Variants in CDC42BPB observed in about 807,000 individuals in gnomAD.
The protein encoded by CDC42BPB is serine/threonine-protein kinase MRCK beta.
In CDC42BPB, 37 loss-of-function variants were observed where a neutral mutation model predicts 214.9. The ratio of observed to expected loss-of-function variants is 0.17; its 90% confidence interval spans 0.13 to 0.23. The LOEUF is 0.23. CDC42BPB is among the 10% of genes least tolerant of loss of function. CDC42BPB has a pLI of 1.00. For synonymous variants in CDC42BPB, 931 were observed against 884.0 expected (o/e 1.05, Z -0.94); for missense variants, 1,694 against 2,227.0 (o/e 0.76, Z 4.82).
intron 5 of CDC42BPB, among the ~76,000 whole-genome samples, chr14:102,993,753 T>C (rs899676241): frequency 6.6e-6 from 1 of 152,180 alleles, no homozygotes; most frequent in East Asian, 1.9e-4. Context: ...CAAGGAAGAC[T>C]TGAAGCAATG....
chr14:102,976,394 A>G (rs957857130), intron 9 of CDC42BPB, among the ~76,000 whole-genome samples: 1 of 152,254 alleles, frequency 6.6e-6, no homozygotes, highest in Non-Finnish European at 1.5e-5. Flanking sequence ...TCTGCAGGTC[A>G]GCGGTACGCA....
chr14:102,950,445 G>T, intron 25 of CDC42BPB, 21 bp downstream of exon 25: 1 of 1,611,978 alleles, frequency 6.2e-7, no homozygotes, highest in Non-Finnish European at 8.5e-7. Flanking sequence ...GAGGGCTGAG[G>T]GCGGAGATGA....
At chr14:102,983,937 C>T (rs960643108) in intron 6 of CDC42BPB, 181 bp from the exon 7 acceptor site, 9 of 978,160 alleles carry the variant, frequency 9.2e-6, no homozygotes, top group Non-Finnish European at 1.1e-5. Context: ...AGCCTGTAGC[C>T]TCAGCTACTT....
At chr14:102,977,726 TC>T (rs1392293784) in intron 9 of CDC42BPB, among the ~76,000 whole-genome samples, 1 of 152,172 alleles carries the variant, frequency 6.6e-6, no homozygotes, top group Non-Finnish European at 1.5e-5. Context: ...GGCCTATTGG[TC>T]AGGGGTTGGC....
rs145367892 is a variant in CDC42BPB, at chr14:102,964,426, G to A, written c.2726+76C>T. ...GATTTTCCAGGCGAGGAGCATCGGA[G>A]CCCGTGAGGCTCAGGGCGGGCTCGA... On this transcript the variant is annotated intron_variant, in intron 19 of 36. Coordinates refer to ENST00000361246, the MANE Select transcript of CDC42BPB (RefSeq NM_006035.4). 3.2e-4 allele frequency: 488 copies of A among 1,539,650 alleles called. 3 individuals are homozygous for A. In the African/African-American group the frequency reaches 5.7e-3, roughly 18 times the overall value.
At chr14:102,950,745 C>T in intron 24 of CDC42BPB, 143 bp from the exon 25 acceptor site, 2 of 1,307,824 alleles carry the variant, frequency 1.5e-6, no homozygotes, top group Admixed American at 3.6e-5. Context: ...GTGGGCAGAC[C>T]ACTTGAGGTC....
intron 1 of CDC42BPB, among the ~76,000 whole-genome samples, chr14:103,053,518 T>G (rs1442980407): frequency 6.6e-6 from 1 of 151,702 alleles, no homozygotes; most frequent in Non-Finnish European, 1.5e-5. Flanking sequence ...TCCAAGAACT[T>G]TGGGAGGCCA....
intron 36 of CDC42BPB, chr14:102,936,977 C>G (rs1023415267): frequency 1.3e-5 from 2 of 152,120 alleles, no homozygotes; most frequent in African/African-American, 4.8e-5. Flanking sequence ...GTTGGGAGAC[C>G]AGCCTGGGCA....
At chr14:103,048,532 CAAAAAAAAAAAAAA>C (rs71119751) in intron 1 of CDC42BPB, among the ~76,000 whole-genome samples, 1,084 of 42,688 alleles carry the variant, frequency 0.025, 32 homozygotes, top group African/African-American at 0.092. Context: ...ACTAAAAATA[CAAAAAAAAAAAAAA>C]AAAAAAAAAA....
intron 26 of CDC42BPB, 108 bp downstream of exon 26, chr14:102,949,657 G>A (rs528679082): frequency 1.4e-5 from 19 of 1,396,284 alleles, no homozygotes; most frequent in Non-Finnish European, 1.8e-5. Context: ...TAATGAAGCA[G>A]GTGAAGTACT....
chr14:103,020,286 G>A (rs34667190), intron 1 of CDC42BPB, among the ~76,000 whole-genome samples: 2,076 of 152,304 alleles, frequency 0.014, 46 homozygotes, highest in African/African-American at 0.047. Flanking sequence ...ACATGCAGAG[G>A]ACACAAGGGA....
In CDC42BPB at chr14:102,959,894, T is replaced by A. The variant is rs117896117; in HGVS notation, c.2822-184A>T. 3.0e-4 allele frequency: 258 copies of A among 858,436 alleles called. 2 individuals carry two copies. The East Asian group carries it at 0.015, about 51-fold the overall frequency. 53.2% of individuals were successfully genotyped at this position (858,436 alleles called of 1,614,324 possible). A position where few individuals can be genotyped will look rare whatever the true frequency, so the allele number is the denominator to read the frequency against. On this transcript the variant is annotated intron_variant, in intron 20 of 36. Transcript: ENST00000361246. Reference sequence around the variant, plus strand: ...GCTTTTCCCCAGAGAGTAACAAGAATCAAAAAGTTCACTTGAAAAAGTAAC... The same window carrying A: ...GCTTTTCCCCAGAGAGTAACAAGAAACAAAAAGTTCACTTGAAAAAGTAAC...
chr14:103,045,004 A>AGCCTGGCCAATATAGGGAGACTCT (rs1222557949), intron 1 of CDC42BPB, among the ~76,000 whole-genome samples: 26 of 150,918 alleles, frequency 1.7e-4, no homozygotes, highest in Admixed American at 9.9e-4. Flanking sequence ...GTTCAAGACC[A>AGCCTGGCCAATATAGGGAGACTCT]GCCTGGCCAA....
rs749560849 is a variant in CDC42BPB at position 102,966,299 on chromosome 14, G to C, written c.2560C>G (p.Leu854Val). The change falls in exon 18 of 37, where the codon CTG (leucine) becomes GTG (valine). Residue 854 changes from leucine (L) to valine (V), a missense_variant. Leu to Val is a conservative substitution (Grantham distance 32). Around this residue, in one of 7 missense-constraint regions of CDC42BPB, gnomAD observed 55 missense variants for 95.5 expected, o/e 0.58. Coordinates refer to ENST00000361246, the MANE Select transcript of CDC42BPB (RefSeq NM_006035.4). ...EELEALRSSS[L>V]GSRTLDPLWK... ...AAACCTACCAGTGTTCTTGACCCCA[G>C]ACTAGAACTCCTCAAAGCCTCGAGC... The C allele has an allele frequency of 9.3e-6, 15 of 1,613,608 alleles. No individual in the cohort carries two copies. Among genetic ancestry groups the C allele is most frequent in the Non-Finnish European group, 1.3e-5 (15 of 1,179,652 alleles).
intron 1 of CDC42BPB, among the ~76,000 whole-genome samples, chr14:103,055,580 A>G (rs951206397): frequency 2.6e-5 from 4 of 152,274 alleles, no homozygotes; most frequent in African/African-American, 4.8e-5. Flanking sequence ...TACTGATACT[A>G]TAAGTAACCA....
chr14:102,952,434 G>T, intron 24 of CDC42BPB, 64 bp downstream of exon 24: 2 of 1,013,654 alleles, frequency 2.0e-6, no homozygotes, highest in Non-Finnish European at 3.0e-6. Flanking sequence ...GAGCCGGCTG[G>T]TGCCCTTAGC....
rs970091622 is a variant in CDC42BPB at position 103,052,003 on chromosome 14, G to A, written c.175+4996C>T. ...TGGGACTATGCGTGCCACCACACCC[G>A]GCTAATTTTTGTATTTTTAGTACAG... On this transcript the variant is annotated intron_variant, in intron 1 of 36. Transcript: ENST00000361246. Among the ~76,000 whole-genome samples, 6 of 152,182 alleles carry A rather than the reference G, an allele frequency of 3.9e-5. No individual in the cohort carries two copies. In the South Asian group the frequency reaches 6.2e-4, roughly 16 times the overall value.
chr14:103,045,237 G>A (rs929308047), intron 1 of CDC42BPB, among the ~76,000 whole-genome samples: 30 of 152,104 alleles, frequency 2.0e-4, no homozygotes, highest in African/African-American at 4.6e-4. Flanking sequence ...ACCTCGCTAC[G>A]TTATTTATGT....
chr14:103,038,246 A>G (rs1887780848), intron 1 of CDC42BPB, among the ~76,000 whole-genome samples: 1 of 148,768 alleles, frequency 6.7e-6, no homozygotes, highest in Non-Finnish European at 1.5e-5. Flanking sequence ...GAGGCAGGAG[A>G]ATAGCGTGAA....
Sources: gnomAD v4.1 joint callset for allele counts (sites outside exome capture counted in the v4.1 genomes callset) on GRCh38, gnomAD v4.1.1 for gene constraint, gnomAD v4.1.1 regional missense constraint, MANE v1.5 for transcripts, NCBI Gene and HGNC (gene_info 2026-07-23, HGNC 2026-07-21) for gene names.